Variants in PRSS38 observed in about 807,000 individuals in gnomAD.
PRSS38 encodes marapsin 2.
A neutral mutation model predicts 26.8 loss-of-function variants in PRSS38; 22 were observed. The ratio of observed to expected loss-of-function variants is 0.82; its 90% CI spans 0.59 to 1.17. The LOEUF is 1.17. PRSS38 is among the 50% of genes most tolerant of loss of function. The pLI is 0.00. For missense variants in PRSS38, 427 were observed against 422.7 expected (o/e 1.01, Z -0.09); for synonymous variants, 175 against 172.1 (o/e 1.02, Z -0.13).
At chr1:227,845,386 C>T in intron 3 of PRSS38, 84 bp from the exon 4 acceptor site, 1 of 930,454 alleles carries the variant, frequency 1.1e-6, no homozygotes, top group Non-Finnish European at 1.6e-6. Flanking sequence ...ATGGGCTATC[C>T]CCTTGGTGTC....
intron 3 of PRSS38, among the ~76,000 whole-genome samples, chr1:227,843,422 G>A (rs2102686396): frequency 6.6e-6 from 1 of 152,240 alleles, no homozygotes; most frequent in Non-Finnish European, 1.5e-5. Context: ...ACAAAAACCA[G>A]CCGGGCGTGG....
At chr1:227,843,867 A>C (rs1665375105) in intron 3 of PRSS38, among the ~76,000 whole-genome samples, 1 of 151,946 alleles carries the variant, frequency 6.6e-6, no homozygotes, top group Non-Finnish European at 1.5e-5. Flanking sequence ...TAAAAATATA[A>C]AAGTTAGCCG....
At chr1:227,842,987 A>G (rs1469913076) in intron 3 of PRSS38, among the ~76,000 whole-genome samples, 1 of 152,232 alleles carries the variant, frequency 6.6e-6, no homozygotes, top group Non-Finnish European at 1.5e-5. Flanking sequence ...AACAGCCCAC[A>G]GATTGGAAAG....
intron 3 of PRSS38, 141 bp from the exon 4 acceptor site, chr1:227,845,329 C>T: frequency 1.6e-6 from 1 of 622,226 alleles, no homozygotes; most frequent in South Asian, 1.9e-5. Context: ...GGACTCATCC[C>T]TATGTGTCAT....
chr1:227,817,079 T>C (rs79363216), intron 2 of PRSS38, 130 bp from the exon 3 acceptor site: 11,648 of 970,904 alleles, frequency 0.012, 98 homozygotes, highest in South Asian at 0.024. Context: ...GTCCCTACTA[T>C]GCTGCAGGAA....
Position 227,817,416 on chromosome 1 carries a change from T to TC in PRSS38, c.521dup (p.Glu175ArgfsTer22). On this transcript the variant is annotated frameshift_variant, in exon 3 of 5. Coordinates refer to ENST00000366757, the Ensembl canonical transcript of PRSS38. LOFTEE classifies it high-confidence loss of function. ...CCGTGCTCCCGGTTTGCCTTGCAACTCCAGAAGTGAACCTTACCAGTGCCA... is the reference window on the plus strand; with the variant it reads ...CCGTGCTCCCGGTTTGCCTTGCAACTCCCAGAAGTGAACCTTACCAGTGCCA... The TC allele has an allele frequency of 5.0e-6, 8 of 1,614,136 alleles. No individual in the cohort carries two copies. The highest frequency in any genetic ancestry group is 6.8e-6 in the Non-Finnish European group (8 of 1,180,008).
intron 3 of PRSS38, 34 bp from the exon 4 acceptor site, chr1:227,845,436 G>T (rs771808566): frequency 1.9e-6 from 3 of 1,576,510 alleles, no homozygotes; most frequent in East Asian, 2.3e-5. Context: ...CACGAAGCAG[G>T]TGCTGCCCCC....
chr1:227,817,643 T>C (rs754537865), intron 3 of PRSS38, among the ~76,000 whole-genome samples, 163 bp downstream of exon 3: 1 of 152,218 alleles, frequency 6.6e-6, no homozygotes. Context: ...TTTGTTGTTT[T>C]GTTTTATTTC....
chr1:227,825,165 A>G (rs1229009742), intron 3 of PRSS38, among the ~76,000 whole-genome samples: 1 of 152,022 alleles, frequency 6.6e-6, no homozygotes. Context: ...CCTGAATGGT[A>G]TTGCCTAGAT....
At position 227,846,004 on chromosome 1, in the gene PRSS38, GA is replaced by G. The variant is rs1484189358; in HGVS notation, c.778del (p.Ile260LeufsTer4). Reference sequence around the variant, plus strand: ...GTGAATTCAACCGCAGCTGGTTGCAGATTGGAATTGTGAGCTGGGGCCGAGG... The same window carrying G: ...GTGAATTCAACCGCAGCTGGTTGCAGTTGGAATTGTGAGCTGGGGCCGAGG... On this transcript the variant is annotated frameshift_variant, in exon 5 of 5. Coordinates refer to ENST00000366757, the Ensembl canonical transcript of PRSS38. LOFTEE classifies it low-confidence loss of function (END_TRUNC). The G allele has an allele frequency of 6.2e-7, 1 of 1,614,174 alleles. No individual in the cohort carries two copies.
chr1:227,845,923 A>C (rs762333135), intron 4 of PRSS38, 31 bp from the exon 5 acceptor site: 293 of 1,611,268 alleles, frequency 1.8e-4, no homozygotes, highest in Non-Finnish European at 2.4e-4. Flanking sequence ...TGGGACTCCC[A>C]GTTCACAAAA....
intron 1 of PRSS38, 60 bp downstream of exon 1, chr1:227,815,924 G>C (rs954801756): frequency 3.9e-6 from 6 of 1,540,970 alleles, no homozygotes; most frequent in Non-Finnish European, 4.4e-6. Flanking sequence ...GGCGTCTGTC[G>C]GTGCTGGGCC....
chr1:227,839,337 G>T (rs570661159), intron 3 of PRSS38, among the ~76,000 whole-genome samples: 2 of 152,048 alleles, frequency 1.3e-5, no homozygotes, highest in Admixed American at 1.3e-4. Context: ...AGACATGGAG[G>T]TGCATACCTG....
At chr1:227,843,909 A>C (rs1194426491) in intron 3 of PRSS38, among the ~76,000 whole-genome samples, 1 of 151,708 alleles carries the variant, frequency 6.6e-6, no homozygotes, top group Non-Finnish European at 1.5e-5. Flanking sequence ...AATCCCAGCT[A>C]CTCGGGAGGT....
intron 3 of PRSS38, among the ~76,000 whole-genome samples, chr1:227,823,325 A>G (rs779084878): frequency 7.3e-5 from 11 of 151,396 alleles, no homozygotes; most frequent in Non-Finnish European, 1.5e-4. Context: ...TTATTTATAC[A>G]TATAATATAA....
At chr1:227,836,381 A>C (rs1665238396) in intron 3 of PRSS38, among the ~76,000 whole-genome samples, 1 of 146,518 alleles carries the variant, frequency 6.8e-6, no homozygotes, top group Admixed American at 6.7e-5. Context: ...ACACCAAGCC[A>C]AAAAAGTTTT....
chr1:227,836,353 T>C (rs1665238134), intron 3 of PRSS38, among the ~76,000 whole-genome samples: 1 of 152,048 alleles, frequency 6.6e-6, no homozygotes, highest in East Asian at 1.9e-4. Flanking sequence ...AGTGCTGGGA[T>C]TACAGGTGTG....
intron 3 of PRSS38, among the ~76,000 whole-genome samples, chr1:227,844,894 T>C (rs1236482581): frequency 1.4e-5 from 2 of 139,944 alleles, no homozygotes; most frequent in African/African-American, 2.7e-5. Context: ...CCTCCCTATG[T>C]ACGGTCAGGG....
intron 3 of PRSS38, among the ~76,000 whole-genome samples, chr1:227,817,799 T>G (rs1467516374): frequency 6.6e-6 from 1 of 152,232 alleles, no homozygotes; most frequent in Non-Finnish European, 1.5e-5. Context: ...TAAAAACCGT[T>G]TGTTATTAAA....
Sources: gnomAD v4.1 joint callset for allele counts (sites outside exome capture counted in the v4.1 genomes callset) on GRCh38, gnomAD v4.1.1 for gene constraint, MANE v1.5 for transcripts, NCBI Gene and HGNC (gene_info 2026-07-23, HGNC 2026-07-21) for gene names.